The following DEFA3 variants were observed in gnomAD, a reference collection of about 807,000 sequenced individuals.
DEFA3 encodes neutrophil defensin 3.
For synonymous variants in DEFA3, 3 were observed against 47.2 expected (o/e 0.06, Z 3.84); for missense variants, 8 against 128.1 (o/e 0.06, Z 4.53).
At position 7,018,034 on chromosome 8, in the gene DEFA3, C is replaced by T. The variant is rs575186324; in HGVS notation, c.-13+188G>A. Among the ~76,000 whole-genome samples the T allele has an allele frequency of 6.7e-5, 10 of 150,308 alleles. No individual in the cohort carries two copies. The South Asian group carries it at 1.7e-3, about 25-fold the overall frequency. ...GACATGTGTGTTTAGAAGGAAACTG[C>T]TTGAGTTTCTCTATTAAGTTAGCTG... On this transcript the variant is annotated intron_variant, in intron 1 of 2. Transcript: ENST00000327857.
chr8:7,017,504 A>G (rs1468363235), intron 1 of DEFA3, among the ~76,000 whole-genome samples: 4 of 118,012 alleles, frequency 3.4e-5, no homozygotes, highest in South Asian at 3.1e-4. Flanking sequence ...GACTTGAGTA[A>G]CAATTAACAA....
intron 1 of DEFA3, among the ~76,000 whole-genome samples, chr8:7,018,016 G>T (rs113832425): frequency 4.3e-4 from 62 of 143,142 alleles, no homozygotes; most frequent in Non-Finnish European, 8.8e-4. Flanking sequence ...CAGGACATGT[G>T]TGTTTAGAAG....
rs1389497297 is a variant in DEFA3 at position 7,015,877 on chromosome 8, C to A, written c.*113G>T. 10 of 1,005,722 alleles carry A rather than the reference C, an allele frequency of 9.9e-6. 1 individual carries two copies. The highest frequency in any genetic ancestry group is 2.0e-5 in the Admixed American group (1 of 48,988). 62.3% of individuals were successfully genotyped at this position (1,005,722 alleles called of 1,614,324 possible). ...AGGTGGAAACACAGAAATCTTGTAA[C>A]AAGGCATTTATTTGAGATGAGGAAA... On this transcript the variant is annotated 3_prime_UTR_variant, in exon 3 of 3. Transcript: ENST00000327857.
In DEFA3 at chr8:7,016,862, C is replaced by T. The variant is rs1810998383; in HGVS notation, c.-12G>A. On this transcript the variant is annotated splice_region_variant and 5_prime_UTR_variant, in exon 2 of 3. It adds an upstream start codon to the 5' untranslated region. Coordinates refer to ENST00000327857, the MANE Select transcript of DEFA3 (RefSeq NM_005217.4). ...GCGAGGGTCCTCATGGCTGGGGTCA[C>T]CTGGAGGAGGGAGAGCAGGAGCAGC... The T allele has an allele frequency of 8.8e-7, 1 of 1,134,864 alleles. No homozygotes were observed. Among genetic ancestry groups the T allele is most frequent in the African/African-American group, 1.7e-5 (1 of 59,338 alleles). The allele number at this position is 1,134,864 out of a possible 1,614,324, so 70.3% of individuals were successfully genotyped here.
chr8:7,016,436 C>A (rs2117471040), intron 2 of DEFA3, among the ~76,000 whole-genome samples: 1 of 145,162 alleles, frequency 6.9e-6, no homozygotes, highest in South Asian at 2.2e-4. Context: ...AATAACTAGT[C>A]TGTCTCTTCA....
chr8:7,016,052 C>A lies in DEFA3; in HGVS notation c.223G>T (p.Ala75Ser), dbSNP rs1226764833. The change falls in exon 3 of 3, where the codon GCA becomes TCA. Residue 75 changes from alanine (A) to serine (S), a missense_variant. Ala to Ser is a moderately conservative substitution (Grantham distance 99). Transcript: ENST00000327857. Reference protein sequence around the residue: ...DCYCRIPACIAGERRYGTCIY... With the variant: ...DCYCRIPACISGERRYGTCIY... The stretch of plus-strand genomic sequence containing the variant: ...CAGGTTCCATAGCGACGTTCTCCTG[C>A]AATGCACGCTGGTATTCTGCAATAG... 1 of 1,487,632 alleles carries A rather than the reference C, an allele frequency of 6.7e-7. No individual in the cohort carries two copies. The highest frequency in any genetic ancestry group is 1.6e-5 in the African/African-American group (1 of 63,414). The allele number at this position is 1,487,632 out of a possible 1,614,324, so 92.2% of individuals were successfully genotyped here.
intron 1 of DEFA3, 150 bp downstream of exon 1, chr8:7,018,072 C>A (rs1279568087): frequency 1.3e-5 from 2 of 149,996 alleles, no homozygotes; most frequent in East Asian, 4.0e-4. Context: ...AGCCATCGTC[C>A]CCAGCAGTCA....
chr8:7,016,379 G>GATAC (rs1400065246), intron 2 of DEFA3, among the ~76,000 whole-genome samples: 1 of 107,200 alleles, frequency 9.3e-6, no homozygotes, highest in Non-Finnish European at 1.8e-5. Flanking sequence ...CTCTTCTGTA[G>GATAC]AGTAAAATGT....
At chr8:7,016,269 A>G (rs1158836890) in intron 2 of DEFA3, among the ~76,000 whole-genome samples, 170 bp from the exon 3 acceptor site, 1 of 152,238 alleles carries the variant, frequency 6.6e-6, no homozygotes, top group African/African-American at 2.4e-5. Flanking sequence ...CTTGTCACAC[A>G]GAATTTGAGA....
chr8:7,017,932 A>T (rs867149889), intron 1 of DEFA3, among the ~76,000 whole-genome samples: 1 of 152,186 alleles, frequency 6.6e-6, no homozygotes, highest in African/African-American at 2.4e-5. Flanking sequence ...TGAAAGACAG[A>T]CCAAGGACCT....
intron 2 of DEFA3, among the ~76,000 whole-genome samples, chr8:7,016,364 A>T (rs1390724920): frequency 1.7e-5 from 2 of 120,854 alleles, no homozygotes; most frequent in African/African-American, 7.4e-5. Context: ...TGCAGTTTTT[A>T]AAAGCTCTTC....
rs1463434708 is a variant in DEFA3 at position 7,018,233 on chromosome 8, C to T, written c.-24G>A. 6.7e-6 allele frequency: 1 copy of T among 149,744 alleles called. No homozygotes were observed. The highest frequency in any genetic ancestry group is 2.5e-5 in the African/African-American group (1 of 40,368). 9.3% of individuals were successfully genotyped at this position (149,744 alleles called of 1,614,324 possible). A position where few individuals can be genotyped will look rare whatever the true frequency, so the allele number is the denominator to read the frequency against. On this transcript the variant is annotated 5_prime_UTR_variant, in exon 1 of 3. Coordinates refer to ENST00000327857, the MANE Select transcript of DEFA3 (RefSeq NM_005217.4). ...TTTGTAGTACTTACAGATCCTCTAG[C>T]TAGGCAGGGTGACCAGAGAGGGCAG... is the stretch of plus-strand genomic sequence containing the variant.
Position 7,015,917 on chromosome 8 carries a change from A to G in DEFA3, c.*73T>C, listed in dbSNP as rs1373779868. 9.1e-6 allele frequency: 11 copies of G among 1,207,216 alleles called. No homozygotes were observed. The highest frequency in any genetic ancestry group is 7.5e-5 in the Admixed American group (4 of 53,560). 74.8% of individuals were successfully genotyped at this position (1,207,216 alleles called of 1,614,324 possible). A position where few individuals can be genotyped will look rare whatever the true frequency, so the allele number is the denominator to read the frequency against. On this transcript the variant is annotated 3_prime_UTR_variant, in exon 3 of 3. Coordinates refer to ENST00000327857, the MANE Select transcript of DEFA3 (RefSeq NM_005217.4). ...AGATGAGGAAAGGAAATTGAGCAGAAGGTACAGGAGTAATAGCAATTCCCT... is the reference window on the plus strand; with the variant it reads ...AGATGAGGAAAGGAAATTGAGCAGAGGGTACAGGAGTAATAGCAATTCCCT...
At position 7,016,562 on chromosome 8, in the gene DEFA3, C is replaced by T. The variant is rs1810980616; in HGVS notation, c.175+114G>A. The T allele has an allele frequency of 8.1e-6, 9 of 1,115,798 alleles. No homozygotes were observed. In the East Asian group the frequency reaches 1.7e-4, roughly 21 times the overall value. The allele number at this position is 1,115,798 out of a possible 1,614,324, so 69.1% of individuals were successfully genotyped here. On this transcript the variant is annotated intron_variant, in intron 2 of 2. Coordinates refer to ENST00000327857, the MANE Select transcript of DEFA3 (RefSeq NM_005217.4). ...ATTTCTAGATGAGAAAATCAATGCC[C>T]AGAGATTCTAAGTGAAGCCACCTCA...
chr8:7,016,351 G>A (rs571199268), intron 2 of DEFA3, among the ~76,000 whole-genome samples: 39 of 148,648 alleles, frequency 2.6e-4, no homozygotes, highest in African/African-American at 9.2e-4. Context: ...CCTCAGGCTT[G>A]GCTGCAGTTT....
At chr8:7,017,092 T>G (rs1329732111) in intron 1 of DEFA3, among the ~76,000 whole-genome samples, 1 of 132,570 alleles carries the variant, frequency 7.5e-6, no homozygotes, top group Non-Finnish European at 1.7e-5. Context: ...AGGTTGGAGC[T>G]AATAATGACA....
intron 1 of DEFA3, among the ~76,000 whole-genome samples, chr8:7,018,008 G>GGACATGT (rs1394186391): frequency 0.012 from 724 of 59,880 alleles, 9 homozygotes; most frequent in Middle Eastern, 0.027. Flanking sequence ...ATGTCAACCA[G>GGACATGT]GACATGTGTG....
chr8:7,017,234 A>G (rs1449700509), intron 1 of DEFA3, among the ~76,000 whole-genome samples: 4 of 118,702 alleles, frequency 3.4e-5, no homozygotes, highest in African/African-American at 1.1e-4. Context: ...TTATTTTCTG[A>G]AGATGGGTCC....
At chr8:7,016,270 G>C (rs905486092) in intron 2 of DEFA3, among the ~76,000 whole-genome samples, 171 bp from the exon 3 acceptor site, 1 of 152,246 alleles carries the variant, frequency 6.6e-6, no homozygotes, top group Admixed American at 6.5e-5. Flanking sequence ...TTGTCACACA[G>C]AATTTGAGAC....
Sources: allele counts gnomAD v4.1 joint callset (sites outside exome capture counted in the v4.1 genomes callset), GRCh38; gene constraint gnomAD v4.1.1; transcripts MANE v1.5; gene names NCBI Gene and HGNC (gene_info 2026-07-23, HGNC 2026-07-21).